Variants in C3AR1 observed in about 807,000 individuals in gnomAD.
C3AR1 encodes the protein complement C3a receptor 1, also known as C3a anaphylatoxin chemotactic receptor.
For missense variants in C3AR1, 579 were observed against 583.5 expected, an observed-to-expected ratio of 0.99 and a Z score of 0.08; for synonymous variants, 208 against 225.3, an observed-to-expected ratio of 0.92 and a Z score of 0.69.
Position 8,060,024 on chromosome 12 carries a change from C to G in C3AR1, c.162G>C (p.Arg54=). 1.9e-6 allele frequency: 3 copies of G among 1,614,118 alleles called. No individual in the cohort carries two copies. The highest frequency in any genetic ancestry group is 2.5e-6 in the Non-Finnish European group (3 of 1,180,020). ...VLWVAGLKMQ[R]TVNTIWFLHL... is the part of the protein sequence containing the mutation. ...GGAGGAACCAAATTGTGTTCACTGT[C>G]CGCTGCATCTTCAGGCCAGCCACCC... The change falls in exon 2 of 2, where the codon CGG becomes CGC. Residue 54 remains arginine (R), a synonymous_variant. Transcript: ENST00000307637.
chr12:8,057,592 C>A lies in C3AR1; in HGVS notation c.*1145G>T, dbSNP rs1591585057. The stretch of plus-strand genomic sequence containing the variant: ...AGGAGACCTCATATTTCATTATATA[C>A]CTTATTAAATTATTTTAAAACTATG... On this transcript the variant is annotated 3_prime_UTR_variant, in exon 2 of 2. Transcript: ENST00000307637. Among the ~76,000 whole-genome samples the A allele has an allele frequency of 6.6e-6, 1 of 152,034 alleles. No individual in the cohort carries two copies. Among genetic ancestry groups the A allele is most frequent in the Admixed American group, 6.6e-5 (1 of 15,246 alleles).
intron 1 of C3AR1, among the ~76,000 whole-genome samples, chr12:8,061,966 CT>C (rs954946271): frequency 7.2e-5 from 11 of 152,204 alleles, no homozygotes; most frequent in Admixed American, 2.0e-4. Flanking sequence ...CACCATTGTA[CT>C]TTCAATTTCT....
chr12:8,058,534 G>A lies in C3AR1; in HGVS notation c.*203C>T. The A allele has an allele frequency of 1.7e-6, 1 of 586,804 alleles. No individual in the cohort carries two copies. Among genetic ancestry groups the A allele is most frequent in the Non-Finnish European group, 2.9e-6 (1 of 344,276 alleles). 36.3% of individuals were successfully genotyped at this position (586,804 alleles called of 1,614,324 possible). ...ACCCCCAGAGATTCCGATTCAGCAA[G>A]TCTGGGATGCGGCTTGAGAATTTGC... On this transcript the variant is annotated 3_prime_UTR_variant, in exon 2 of 2. Coordinates refer to ENST00000307637, the MANE Select transcript of C3AR1 (RefSeq NM_004054.4).
At position 8,058,545 on chromosome 12, in the gene C3AR1, G is replaced by A. The variant is rs1380059230; in HGVS notation, c.*192C>T. 7 of 621,838 alleles carry A rather than the reference G, an allele frequency of 1.1e-5. No individual in the cohort carries two copies. The highest frequency in any genetic ancestry group is 3.7e-5 in the African/African-American group (2 of 54,152). The allele number at this position is 621,838 out of a possible 1,614,324, so 38.5% of individuals were successfully genotyped here. A position where few individuals can be genotyped will look rare whatever the true frequency, so the allele number is the denominator to read the frequency against. ...TTCCGATTCAGCAAGTCTGGGATGC[G>A]GCTTGAGAATTTGCATTTCTAACAA... is the stretch of plus-strand genomic sequence containing the variant. On this transcript the variant is annotated 3_prime_UTR_variant, in exon 2 of 2. Coordinates refer to ENST00000307637, the MANE Select transcript of C3AR1 (RefSeq NM_004054.4).
rs190727323 is a variant in C3AR1, at chr12:8,056,863, C to T, written c.*1874G>A. On this transcript the variant is annotated 3_prime_UTR_variant, in exon 2 of 2. Transcript: ENST00000307637. ...AAAGGATTCATAAATCTCTGAGCCTCGCAAGGACCCATGAGAAAAAAAGCA... is the reference window on the plus strand; with the variant it reads ...AAAGGATTCATAAATCTCTGAGCCTTGCAAGGACCCATGAGAAAAAAAGCA... Among the ~76,000 whole-genome samples the T allele has an allele frequency of 1.9e-3, 289 of 152,124 alleles. 4 individuals carry two copies. Among genetic ancestry groups the T allele is most frequent in the Admixed American group, 0.016 (248 of 15,270 alleles).
rs754839414 is a variant in C3AR1 at position 8,064,872 on chromosome 12, GTTGT to G, written c.-11+1402_-11+1405del. On this transcript the variant is annotated intron_variant, in intron 1 of 1. Transcript: ENST00000307637. ...CTCTCCTCATTTTGTTGTTGTTGTT[GTTGT>G]TTGTTTGTTTGTTTGTTTGTAGAGA... Among the ~76,000 whole-genome samples, 545 of 151,598 alleles carry G rather than the reference GTTGT, an allele frequency of 3.6e-3. 3 individuals are homozygous for G. Among genetic ancestry groups the G allele is most frequent in the African/African-American group, 1.0e-2 (411 of 41,278 alleles).
chr12:8,058,906 T>C lies in C3AR1; in HGVS notation c.1280A>G (p.Asn427Ser), dbSNP rs764699582. 29 of 1,614,132 alleles carry C rather than the reference T, an allele frequency of 1.8e-5. No individual in the cohort carries two copies. In the South Asian group the frequency reaches 3.0e-4, roughly 16 times the overall value. ...DHVCIALASA[N>S]SCFNPFLYAL... Reference sequence around the variant, plus strand: ...ATAAAGGAAGGGATTAAAGCAACTATTGGCAGATGCTAGAGCAATGCATAC... The same window carrying C: ...ATAAAGGAAGGGATTAAAGCAACTACTGGCAGATGCTAGAGCAATGCATAC... The change falls in exon 2 of 2, where the codon AAT becomes AGT. Residue 427 changes from asparagine to serine, a missense_variant. Asn to Ser is a conservative substitution (Grantham distance 46, BLOSUM62 1). Transcript: ENST00000307637.
chr12:8,063,158 A>G (rs10846447), intron 1 of C3AR1, among the ~76,000 whole-genome samples: 3,356 of 147,794 alleles, frequency 0.023, 128 homozygotes, highest in African/African-American at 0.079. Context: ...GGGTTTCACC[A>G]TGTTAGCCAG....
intron 1 of C3AR1, among the ~76,000 whole-genome samples, chr12:8,063,215 C>G (rs1565637425): frequency 6.6e-6 from 1 of 152,140 alleles, no homozygotes; most frequent in African/African-American, 2.4e-5. Flanking sequence ...CTCGGCCTCC[C>G]AAAGTCCCGG....
chr12:8,060,263 A>G, intron 1 of C3AR1, 68 bp from the exon 2 acceptor site: 1 of 1,246,762 alleles, frequency 8.0e-7, no homozygotes, highest in South Asian at 1.5e-5. Context: ...TATTCTTAGG[A>G]TTCTAATCTT....
At position 8,058,766 on chromosome 12, in the gene C3AR1, T is replaced by C. The variant is rs376175889; in HGVS notation, c.1420A>G (p.Ile474Val). Residue 474 changes from isoleucine to valine, a missense_variant, in exon 2 of 2, where the codon ATT becomes GTT. Ile to Val is a conservative substitution (Grantham distance 29, BLOSUM62 3). Transcript: ENST00000307637. ...ACAGTTGTACTATTTCTTTCTGAAATGACATTGTTTGAGGGACAGTGGGTG... is the reference window on the plus strand; with the variant it reads ...ACAGTTGTACTATTTCTTTCTGAAACGACATTGTTTGAGGGACAGTGGGTG... Reference protein sequence around the residue: ...RSTHCPSNNVISERNSTTV With the variant: ...RSTHCPSNNVVSERNSTTV 7.4e-6 allele frequency: 12 copies of C among 1,612,246 alleles called. No individual in the cohort carries two copies. The highest frequency in any genetic ancestry group is 2.2e-5 in the East Asian group (1 of 44,870).
chr12:8,060,316 G>A (rs747507119), intron 1 of C3AR1, 121 bp from the exon 2 acceptor site: 11 of 796,584 alleles, frequency 1.4e-5, no homozygotes, highest in East Asian at 7.8e-5. Context: ...AGGTCCTCAC[G>A]CTGTTTTAGT....
chr12:8,062,055 T>A (rs909021357), intron 1 of C3AR1, among the ~76,000 whole-genome samples: 1 of 152,212 alleles, frequency 6.6e-6, no homozygotes, highest in Non-Finnish European at 1.5e-5. Context: ...TGTATTTCAC[T>A]TAGCATAATG....
chr12:8,063,027 G>C (rs11567800), intron 1 of C3AR1, among the ~76,000 whole-genome samples: 2,004 of 131,840 alleles, frequency 0.015, 56 homozygotes, highest in African/African-American at 0.053. Flanking sequence ...GTGCGATCTC[G>C]GCTCACTACA....
At chr12:8,065,474 A>G (rs965348659) in intron 1 of C3AR1, among the ~76,000 whole-genome samples, 6 of 151,930 alleles carry the variant, frequency 3.9e-5, no homozygotes, top group African/African-American at 1.2e-4. Context: ...AACATGGTGG[A>G]ACCCTGTCTC....
At position 8,056,918 on chromosome 12, in the gene C3AR1, A is replaced by C. The variant is rs1947195406; in HGVS notation, c.*1819T>G. On this transcript the variant is annotated 3_prime_UTR_variant, in exon 2 of 2. Coordinates refer to ENST00000307637, the MANE Select transcript of C3AR1 (RefSeq NM_004054.4). ...TTCATATCAAATATATAAGCAAATT[A>C]ATATATAAGCTGGAAAGGTAGCACT... Among the ~76,000 whole-genome samples the C allele has an allele frequency of 6.6e-6, 1 of 152,258 alleles. No homozygotes were observed. The highest frequency in any genetic ancestry group is 1.5e-5 in the Non-Finnish European group (1 of 68,042).
At position 8,059,464 on chromosome 12, in the gene C3AR1, G is replaced by T. The variant is rs776651296; in HGVS notation, c.722C>A (p.Ser241Ter). ...TAACCTAGCAGAACCCCTAGGGAGTGAATCTGCAGAAGGTCTTTGAAATGT... is the reference window on the plus strand; with the variant it reads ...TAACCTAGCAGAACCCCTAGGGAGTTAATCTGCAGAAGGTCTTTGAAATGT... ...PQTFQRPSAD[S>*]LPRGSARLTS... The change falls in exon 2 of 2, where the codon TCA (serine) becomes TAA (stop). Residue 241 changes from serine to a stop codon, truncating the protein, a stop_gained. Coordinates refer to ENST00000307637, the MANE Select transcript of C3AR1 (RefSeq NM_004054.4). LOFTEE classifies it low-confidence loss of function (END_TRUNC). 2 of 1,614,110 alleles carry T rather than the reference G, an allele frequency of 1.2e-6. No individual in the cohort carries two copies. The highest frequency in any genetic ancestry group is 1.3e-5 in the African/African-American group (1 of 75,044).
chr12:8,064,560 A>G (rs1274706570), intron 1 of C3AR1, among the ~76,000 whole-genome samples: 2 of 152,092 alleles, frequency 1.3e-5, no homozygotes, highest in Non-Finnish European at 1.5e-5. Flanking sequence ...ATGGTGGCAC[A>G]TGCCTGTAAT....
chr12:8,063,831 G>C (rs765295362), intron 1 of C3AR1, among the ~76,000 whole-genome samples: 2 of 152,112 alleles, frequency 1.3e-5, no homozygotes, highest in South Asian at 2.1e-4. Flanking sequence ...CAGCACTTTG[G>C]GGGGCCGAGG....
Sources: allele counts gnomAD v4.1 joint callset (sites outside exome capture counted in the v4.1 genomes callset), GRCh38; gene constraint gnomAD v4.1.1; transcripts MANE v1.5; gene names NCBI Gene and HGNC (gene_info 2026-07-23, HGNC 2026-07-21).